The following ROBO1 variants were observed in gnomAD, a reference collection of about 807,000 sequenced individuals.
ROBO1 encodes roundabout homolog 1.
ROBO1 carries 149 observed loss-of-function variants against 195.9 expected under a neutral mutation model. That is an observed-to-expected ratio of 0.76 (90% CI 0.67 to 0.87). The LOEUF (loss-of-function observed/expected upper bound fraction) is 0.87, where lower values mean the gene tolerates loss of function less well. ROBO1 is among the 40% of genes least tolerant of loss of function. The pLI is 0.00. For synonymous variants in ROBO1, 816 were observed against 733.2 expected (o/e 1.11, Z -1.82); for missense variants, 1,933 against 2,068.3 (o/e 0.93, Z 1.27).
intron 4 of ROBO1, among the ~76,000 whole-genome samples, chr3:78,799,072 G>A (rs928105781): frequency 2.0e-5 from 3 of 152,156 alleles, no homozygotes; most frequent in African/African-American, 7.2e-5. Context: ...TTATCATATA[G>A]TGGGTTCCAA....
chr3:79,290,280 C>T (rs1489826948), intron 2 of ROBO1, among the ~76,000 whole-genome samples: 3 of 152,028 alleles, frequency 2.0e-5, no homozygotes, highest in Non-Finnish European at 1.5e-5. Flanking sequence ...GATCCACCCG[C>T]CTCGGCCTCC....
chr3:79,376,816 C>G (rs948638205), intron 2 of ROBO1, among the ~76,000 whole-genome samples: 5 of 151,972 alleles, frequency 3.3e-5, no homozygotes, highest in Non-Finnish European at 7.4e-5. Flanking sequence ...GTTTGATAGT[C>G]CTTTTCAAAC....
intron 1 of ROBO1, among the ~76,000 whole-genome samples, chr3:79,634,594 T>G (rs2108040579): frequency 6.6e-6 from 1 of 152,336 alleles, no homozygotes; most frequent in Admixed American, 6.5e-5. Flanking sequence ...ATCCTGTATT[T>G]ATTTTTACAA....
intron 18 of ROBO1, among the ~76,000 whole-genome samples, chr3:78,654,227 C>A (rs528646029): frequency 2.6e-5 from 4 of 152,248 alleles, no homozygotes; most frequent in Non-Finnish European, 4.4e-5. Flanking sequence ...AAACAGCACC[C>A]CTTTCAATGC....
intron 3 of ROBO1, among the ~76,000 whole-genome samples, chr3:79,079,783 A>C (rs1007205424): frequency 2.0e-5 from 3 of 151,834 alleles, no homozygotes; most frequent in African/African-American, 7.2e-5. Flanking sequence ...AAAATAAAAA[A>C]CATAATAATC....
At chr3:78,668,684 C>A in intron 11 of ROBO1, 119 bp from the exon 12 acceptor site, 1 of 727,136 alleles carries the variant, frequency 1.4e-6, no homozygotes, top group Non-Finnish European at 2.2e-6. Flanking sequence ...AATTCACTAA[C>A]CAGAAACTTC....
chr3:78,615,267 A>G (rs776099148), intron 27 of ROBO1, among the ~76,000 whole-genome samples: 28 of 143,556 alleles, frequency 2.0e-4, no homozygotes, highest in Non-Finnish European at 4.4e-5. Flanking sequence ...AATTAAACAT[A>G]TATTTATAGT....
intron 2 of ROBO1, among the ~76,000 whole-genome samples, chr3:79,237,404 C>T (rs1236436657): frequency 6.6e-6 from 1 of 151,868 alleles, no homozygotes; most frequent in African/African-American, 2.4e-5. Flanking sequence ...TGGCGGGAAC[C>T]CAGGAGGCGG....
intron 3 of ROBO1, among the ~76,000 whole-genome samples, chr3:78,978,216 G>A (rs1460755041): frequency 6.6e-6 from 1 of 151,924 alleles, no homozygotes; most frequent in African/African-American, 2.4e-5. Context: ...AAACATATAT[G>A]CTTCCATCTA....
intron 4 of ROBO1, among the ~76,000 whole-genome samples, chr3:78,811,490 T>C (rs1282891783): frequency 3.9e-5 from 6 of 152,196 alleles, no homozygotes; most frequent in Non-Finnish European, 7.4e-5. Context: ...TCTTTTGACA[T>C]TGTAACTGCT....
chr3:78,995,254 T>C (rs2077335261), intron 3 of ROBO1, among the ~76,000 whole-genome samples: 1 of 152,170 alleles, frequency 6.6e-6, no homozygotes, highest in Non-Finnish European at 1.5e-5. Flanking sequence ...CTGCAAAGTA[T>C]GTCCCAAATC....
chr3:79,565,563 C>T (rs1943063617), intron 2 of ROBO1, among the ~76,000 whole-genome samples: 2 of 151,894 alleles, frequency 1.3e-5, no homozygotes, highest in African/African-American at 2.4e-5. Context: ...TCAGTCAATA[C>T]ATCTTGAAAG....
intron 3 of ROBO1, among the ~76,000 whole-genome samples, chr3:79,031,474 A>G (rs1224383686): frequency 6.6e-6 from 1 of 152,210 alleles, no homozygotes; most frequent in Non-Finnish European, 1.5e-5. Flanking sequence ...TTAGGTGCAT[A>G]TGTAGAATAA....
intron 17 of ROBO1, 48 bp downstream of exon 17, chr3:78,659,638 G>A: frequency 7.7e-7 from 1 of 1,292,346 alleles, no homozygotes; most frequent in East Asian, 2.9e-5. Flanking sequence ...TATGAATGGT[G>A]GGGGCTGCCC....
At chr3:79,735,421 C>T (rs1050440718) in intron 1 of ROBO1, among the ~76,000 whole-genome samples, 2 of 152,128 alleles carry the variant, frequency 1.3e-5, no homozygotes, top group African/African-American at 4.8e-5. Context: ...AAATAGCATG[C>T]ACGTTCAAAT....
At chr3:79,600,879 C>A (rs1330850770) in intron 1 of ROBO1, among the ~76,000 whole-genome samples, 1 of 151,896 alleles carries the variant, frequency 6.6e-6, no homozygotes, top group Non-Finnish European at 1.5e-5. Flanking sequence ...TGTATGCTTA[C>A]ATTTCATTTA....
chr3:78,739,743 A>G (rs988642621), intron 5 of ROBO1, among the ~76,000 whole-genome samples: 1 of 152,206 alleles, frequency 6.6e-6, no homozygotes, highest in African/African-American at 2.4e-5. Flanking sequence ...TACTGAACAT[A>G]ATATGGACTA....
At chr3:79,317,529 A>C (rs772598588) in intron 2 of ROBO1, among the ~76,000 whole-genome samples, 21 of 152,196 alleles carry the variant, frequency 1.4e-4, no homozygotes, top group Non-Finnish European at 2.9e-4. Context: ...AAAATGAAAA[A>C]AAATATTTTT....
chr3:79,220,353 A>T (rs1241026290), intron 2 of ROBO1, among the ~76,000 whole-genome samples: 1 of 152,092 alleles, frequency 6.6e-6, no homozygotes, highest in African/African-American at 2.4e-5. Context: ...CTTAGTGTTT[A>T]TATGTCTGTT....
Sources: allele counts gnomAD v4.1 joint callset (sites outside exome capture counted in the v4.1 genomes callset), GRCh38; gene constraint gnomAD v4.1.1; transcripts MANE v1.5; gene names NCBI Gene and HGNC (gene_info 2026-07-23, HGNC 2026-07-21).